The following DOCK3 variants were observed in gnomAD, a reference collection of about 807,000 sequenced individuals.
DOCK3 encodes the protein dedicator of cytokinesis 3.
Under a neutral mutation model 265.6 loss-of-function variants are expected in DOCK3, and 60 were observed. The ratio of observed to expected loss-of-function variants is 0.23; its 90% confidence interval spans 0.18 to 0.28. The LOEUF is 0.28. Among genes scored for constraint, DOCK3 ranks in the 10% least tolerant of loss-of-function variants. DOCK3 has a pLI of 1.00. For synonymous variants in DOCK3, 881 were observed against 938.0 expected, an observed-to-expected ratio of 0.94 and a Z score of 1.11; for missense variants, 1,981 against 2,594.3, an observed-to-expected ratio of 0.76 and a Z score of 5.14.
At chr3:51,229,463 A>AAG in intron 18 of DOCK3, 49 bp from the exon 19 acceptor site, 2 of 1,353,114 alleles carry the variant, frequency 1.5e-6, no homozygotes, top group Non-Finnish European at 2.0e-6. Flanking sequence ...AAAAAAAAAA[A>AAG]GAATATCCAG....
chr3:51,101,460 TCATCAG>T (rs2083089207), intron 9 of DOCK3, among the ~76,000 whole-genome samples: 6 of 152,136 alleles, frequency 3.9e-5, no homozygotes, highest in African/African-American at 1.4e-4. Context: ...GCGGTAGAGA[TCATCAG>T]GATGCTGAAA....
At chr3:51,034,176 T>C (rs1232736712) in intron 5 of DOCK3, among the ~76,000 whole-genome samples, 2 of 152,148 alleles carry the variant, frequency 1.3e-5, no homozygotes, top group African/African-American at 4.8e-5. Flanking sequence ...TGAGTTCGTA[T>C]TGAAAGTACA....
At chr3:51,364,703 G>A (rs1218490376) in intron 49 of DOCK3, among the ~76,000 whole-genome samples, 1 of 152,104 alleles carries the variant, frequency 6.6e-6, no homozygotes, top group African/African-American at 2.4e-5. Context: ...TCTACATATG[G>A]CTAGCCAGTT....
At chr3:50,687,994 C>T (rs1305626492) in intron 1 of DOCK3, among the ~76,000 whole-genome samples, 1 of 152,186 alleles carries the variant, frequency 6.6e-6, no homozygotes, top group Non-Finnish European at 1.5e-5. Flanking sequence ...TCAATCCTCT[C>T]TTACAATTGT....
At chr3:50,781,236 T>G (rs1377048641) in intron 2 of DOCK3, among the ~76,000 whole-genome samples, 1 of 148,114 alleles carries the variant, frequency 6.8e-6, no homozygotes, top group African/African-American at 2.5e-5. Context: ...AGAATCCCAC[T>G]GGGGTGGGAT....
At chr3:50,823,562 A>G (rs1479976118) in intron 2 of DOCK3, among the ~76,000 whole-genome samples, 6 of 152,136 alleles carry the variant, frequency 3.9e-5, no homozygotes, top group African/African-American at 1.4e-4. Context: ...TCCCATGTCT[A>G]CCTCTTTCTA....
chr3:50,964,888 C>G (rs569687711), intron 5 of DOCK3, among the ~76,000 whole-genome samples: 1 of 152,108 alleles, frequency 6.6e-6, no homozygotes, highest in East Asian at 1.9e-4. Context: ...AACAAGAGCT[C>G]TCATCAGAAA....
chr3:51,151,254 ACTCTT>A (rs558065235), intron 10 of DOCK3, among the ~76,000 whole-genome samples: 1 of 151,128 alleles, frequency 6.6e-6, no homozygotes, highest in South Asian at 2.1e-4. Context: ...ATGGGTCTTG[ACTCTT>A]TATCCAGTTT....
chr3:51,184,100 A>G (rs2107760148), intron 12 of DOCK3, among the ~76,000 whole-genome samples: 1 of 152,276 alleles, frequency 6.6e-6, no homozygotes. Flanking sequence ...ACCTGAGGTC[A>G]GGAGTTCGAG....
intron 27 of DOCK3, among the ~76,000 whole-genome samples, chr3:51,283,830 A>G (rs925382823): frequency 3.3e-5 from 5 of 152,060 alleles, no homozygotes; most frequent in African/African-American, 9.7e-5. Flanking sequence ...AGACTACATG[A>G]AAAAGGTTGT....
At chr3:51,072,798 T>G (rs1414798577) in intron 6 of DOCK3, among the ~76,000 whole-genome samples, 1 of 151,672 alleles carries the variant, frequency 6.6e-6, no homozygotes, top group African/African-American at 2.4e-5. Context: ...CTCAAACTCC[T>G]GGCTCAAGTG....
intron 3 of DOCK3, among the ~76,000 whole-genome samples, chr3:50,859,630 G>A (rs1391666485): frequency 1.3e-5 from 2 of 152,148 alleles, no homozygotes; most frequent in African/African-American, 4.8e-5. Context: ...AGTACAGTCA[G>A]TTGACTTTTC....
At position 51,231,121 on chromosome 3, in the gene DOCK3, C is replaced by CTTTTTTT. The variant is rs754271357; in HGVS notation, c.1917+1531_1917+1537dup. Among the ~76,000 whole-genome samples, 72 of 77,740 alleles carry CTTTTTTT rather than the reference C, an allele frequency of 9.3e-4. 1 individual carries two copies. The highest frequency in any genetic ancestry group is 1.0e-3 in the Admixed American group (5 of 4,870). The allele number at this position is 77,740 out of a possible 152,430, so 51.0% of individuals were successfully genotyped here. A position where few individuals can be genotyped will look rare whatever the true frequency, so the allele number is the denominator to read the frequency against. On this transcript the variant is annotated intron_variant, in intron 19 of 52. Transcript: ENST00000266037. Reference sequence around the variant, plus strand: ...TTCGCCAGCATCTGTTATTTTTTGACTTTTTTTTTTTTTTTTTTTTTTTTT... The same window carrying CTTTTTTT: ...TTCGCCAGCATCTGTTATTTTTTGACTTTTTTTTTTTTTTTTTTTTTTTTTTTTTTTT...
intron 4 of DOCK3, among the ~76,000 whole-genome samples, chr3:50,930,931 T>A (rs1299533551): frequency 6.6e-6 from 1 of 152,114 alleles, no homozygotes; most frequent in African/African-American, 2.4e-5. Flanking sequence ...TCACCCTCCC[T>A]GCAGCAGTGG....
chr3:51,015,664 C>G (rs1349604222), intron 5 of DOCK3, among the ~76,000 whole-genome samples: 2 of 125,726 alleles, frequency 1.6e-5, no homozygotes, highest in Non-Finnish European at 3.3e-5. Context: ...GTATTTTGTT[C>G]ACATTTGTTT....
At chr3:51,279,460 A>AATT (rs2080997589) in intron 26 of DOCK3, among the ~76,000 whole-genome samples, 1 of 152,196 alleles carries the variant, frequency 6.6e-6, no homozygotes, top group Non-Finnish European at 1.5e-5. Context: ...TGAAGTCCTT[A>AATT]AAGCAGGATT....
Position 51,374,436 on chromosome 3 carries a change from C to T in DOCK3, c.5294-33C>T, listed in dbSNP as rs1251007989. The T allele has an allele frequency of 6.3e-7, 1 of 1,589,970 alleles. No individual in the cohort carries two copies. The highest frequency in any genetic ancestry group is 8.6e-7 in the Non-Finnish European group (1 of 1,166,506). On this transcript the variant is annotated intron_variant, in intron 49 of 52. Transcript: ENST00000266037. The surrounding 1 kb of genome is among the most constrained non-coding windows in gnomAD (Gnocchi z 4.8). ...GCTGGACCCTCCATCTGTGGCTTGT[C>T]ATCTGTGCTTGATTGTTCTCACTTG... is the stretch of plus-strand genomic sequence containing the variant.
rs747564185 is a variant in DOCK3 at position 51,339,041 on chromosome 3, AAG to A, written c.3766+20_3766+21del. The A allele has an allele frequency of 6.4e-7, 1 of 1,570,032 alleles. No individual in the cohort carries two copies. The highest frequency in any genetic ancestry group is 1.4e-5 in the African/African-American group (1 of 73,806). On this transcript the variant is annotated intron_variant, in intron 37 of 52. Coordinates refer to ENST00000266037, the MANE Select transcript of DOCK3 (RefSeq NM_004947.5). ...GAAAACTACACAGGTAAGTGGGGAG[AAG>A]AGAGAGCCATGCCTGACCATGAGGA...
chr3:51,255,233 T>A (rs976470883), intron 22 of DOCK3, among the ~76,000 whole-genome samples: 4 of 152,248 alleles, frequency 2.6e-5, no homozygotes, highest in Non-Finnish European at 5.9e-5. Flanking sequence ...TGCTGAGAGA[T>A]CCCCTGTTAG....
Sources: gnomAD v4.1 joint callset for allele counts (sites outside exome capture counted in the v4.1 genomes callset) on GRCh38, gnomAD v4.1.1 for gene constraint, Gnocchi (gnomAD v3.1) non-coding constraint, MANE v1.5 for transcripts, NCBI Gene and HGNC (gene_info 2026-07-23, HGNC 2026-07-21) for gene names.